Variants in IL1RAPL2 observed in about 807,000 individuals in gnomAD.
IL1RAPL2 encodes the protein X-linked interleukin-1 receptor accessory protein-like 2.
IL1RAPL2 carries 3 observed loss-of-function variants against 44.1 expected under a neutral mutation model. That is an observed-to-expected ratio of 0.07 (90% CI 0.03 to 0.18). IL1RAPL2 has a LOEUF of 0.18. Among genes scored for constraint, IL1RAPL2 ranks in the 10% least tolerant of loss-of-function variants. The probability of loss-of-function intolerance (pLI) is 1.00; values close to 1 mark genes in which losing one functional copy is unlikely to be tolerated. For missense variants in IL1RAPL2, 391 were observed against 496.4 expected, an observed-to-expected ratio of 0.79 and a Z score of 2.02; for synonymous variants, 181 against 178.8, an observed-to-expected ratio of 1.01 and a Z score of -0.10.
chrX:105,263,684 G>A (rs1336382257), intron 4 of IL1RAPL2, among the ~76,000 whole-genome samples: 1 of 110,893 alleles, frequency 9.0e-6, no homozygotes, highest in Admixed American at 9.6e-5. Context: ...GGAGGGAGAG[G>A]AAAAAAGCTG....
At chrX:104,776,528 A>C (rs776131311) in intron 2 of IL1RAPL2, among the ~76,000 whole-genome samples, 2 of 111,753 alleles carry the variant, frequency 1.8e-5, no homozygotes, top group African/African-American at 6.5e-5. Context: ...CCTCACATGG[A>C]TGAACTCAGG....
At chrX:105,179,407 T>G (rs1469368896) in intron 2 of IL1RAPL2, among the ~76,000 whole-genome samples, 1 of 112,192 alleles carries the variant, frequency 8.9e-6, no homozygotes, top group Non-Finnish European at 1.9e-5. Flanking sequence ...GTAATATATT[T>G]TGAAATCACG....
At chrX:105,685,486 G>A (rs138358105) in intron 6 of IL1RAPL2, among the ~76,000 whole-genome samples, 1,535 of 111,662 alleles carry the variant, frequency 0.014, 13 homozygotes, top group Non-Finnish European at 0.019. Context: ...AATAAAATGA[G>A]AAGACAGGGT....
intron 2 of IL1RAPL2, among the ~76,000 whole-genome samples, chrX:105,191,793 G>A (rs141365747): frequency 0.011 from 1,211 of 112,089 alleles, 11 homozygotes; most frequent in Middle Eastern, 0.023. Flanking sequence ...CAGTGGGTTC[G>A]TTCCGTAGCA....
intron 6 of IL1RAPL2, among the ~76,000 whole-genome samples, chrX:105,624,893 ATACT>A (rs1216528300): frequency 8.9e-6 from 1 of 112,290 alleles, no homozygotes; most frequent in African/African-American, 3.2e-5. Flanking sequence ...TTAAATTAAG[ATACT>A]TAATATGTGG....
intron 5 of IL1RAPL2, among the ~76,000 whole-genome samples, chrX:105,440,468 A>G (rs746298815): frequency 5.4e-5 from 6 of 111,970 alleles, no homozygotes; most frequent in Non-Finnish European, 1.1e-4. Context: ...CATTTAAAGT[A>G]ATGTTGCTCA....
intron 2 of IL1RAPL2, among the ~76,000 whole-genome samples, chrX:104,962,483 A>G (rs1392238011): frequency 8.9e-6 from 1 of 111,957 alleles, no homozygotes; most frequent in Non-Finnish European, 1.9e-5. Flanking sequence ...TAAATCATCC[A>G]CTATTACTAA....
At chrX:104,999,386 G>A (rs1215051438) in intron 2 of IL1RAPL2, among the ~76,000 whole-genome samples, 2 of 111,202 alleles carry the variant, frequency 1.8e-5, no homozygotes, top group Non-Finnish European at 3.8e-5. Flanking sequence ...TTTTTTAAAA[G>A]TGCAGAAGTA....
At chrX:104,848,870 A>C (rs947302939) in intron 2 of IL1RAPL2, among the ~76,000 whole-genome samples, 1 of 111,015 alleles carries the variant, frequency 9.0e-6, no homozygotes, top group African/African-American at 3.3e-5. Flanking sequence ...TATGGTTAGT[A>C]ATTTATGTTT....
chrX:104,943,043 C>A (rs983733746), intron 2 of IL1RAPL2, among the ~76,000 whole-genome samples: 5 of 111,471 alleles, frequency 4.5e-5, no homozygotes, highest in Non-Finnish European at 7.5e-5. Context: ...AGGGATGAAG[C>A]CAACTTGTTC....
intron 1 of IL1RAPL2, among the ~76,000 whole-genome samples, chrX:104,569,206 C>G (rs982984681): frequency 8.9e-6 from 1 of 111,782 alleles, no homozygotes; most frequent in Non-Finnish European, 1.9e-5. Flanking sequence ...GTGGAATAGC[C>G]TCTGCTTCCC....
chrX:105,210,079 C>G (rs781789230), intron 3 of IL1RAPL2, among the ~76,000 whole-genome samples: 2 of 110,312 alleles, frequency 1.8e-5, no homozygotes, highest in Non-Finnish European at 3.8e-5. Context: ...GTCCCACCAC[C>G]ACCCTGACCT....
At chrX:105,681,619 G>A (rs935456088) in intron 6 of IL1RAPL2, among the ~76,000 whole-genome samples, 4 of 111,340 alleles carry the variant, frequency 3.6e-5, no homozygotes, top group Non-Finnish European at 7.5e-5. Context: ...TTAGTTGGGT[G>A]TGGTGGCAGG....
At chrX:105,606,767 A>AAAT (rs1348781494) in intron 6 of IL1RAPL2, among the ~76,000 whole-genome samples, 2 of 111,666 alleles carry the variant, frequency 1.8e-5, no homozygotes, top group African/African-American at 6.5e-5. Context: ...AACTGGAGAT[A>AAAT]AATATGTCAA....
chrX:105,077,055 T>TATTGTTATG (rs2032317831), intron 2 of IL1RAPL2, among the ~76,000 whole-genome samples: 1 of 111,127 alleles, frequency 9.0e-6, no homozygotes. Context: ...TTAAGGTTAA[T>TATTGTTATG]ATTGTTATGT....
intron 5 of IL1RAPL2, among the ~76,000 whole-genome samples, chrX:105,292,594 A>T (rs1189934537): frequency 8.9e-6 from 1 of 111,898 alleles, no homozygotes; most frequent in Non-Finnish European, 1.9e-5. Context: ...CATTAAACAG[A>T]TTTTCAAAAA....
rs368223751 is a variant in IL1RAPL2 at position 104,730,830 on chromosome X, G to C, written c.82+71835G>C. Among the ~76,000 whole-genome samples, 46 of 110,504 alleles carry C rather than the reference G, an allele frequency of 4.2e-4. No individual in the cohort carries two copies. The East Asian group carries it at 6.7e-3, about 16-fold the overall frequency. ...TCCACAATGGTTGAACTAGTTTACA[G>C]TCCCACCAACAGTGTAAAAGTGTTC... On this transcript the variant is annotated intron_variant, in intron 2 of 10. Transcript: ENST00000372582.
intron 2 of IL1RAPL2, among the ~76,000 whole-genome samples, chrX:104,797,199 C>CG (rs1555993451): frequency 1.1e-4 from 5 of 45,405 alleles, no homozygotes; most frequent in Non-Finnish European, 1.6e-4. Context: ...CCCCCCCCCC[C>CG]CCGCAAAGTA....
At position 105,755,273 on chromosome X, in the gene IL1RAPL2, T is replaced by C; in HGVS notation, c.1289T>C (p.Val430Ala). The change falls in exon 10 of 11, where the codon GTA (valine) becomes GCA (alanine). Residue 430 changes from valine (V) to alanine (A), a missense_variant. Val to Ala is a moderately conservative substitution (Grantham distance 64). This residue lies in a region of IL1RAPL2 where 232 missense variants were observed against 244.8 expected (regional missense o/e 0.95). Transcript: ENST00000372582. ...GAAGAAGAGCAGTTTGCTCTTGAAG[T>C]ACTGCCAGATGTCCTGGAAAAACAC... ...NPEEEQFALE[V>A]LPDVLEKHYG... is the part of the protein sequence containing the mutation. 8.3e-7 allele frequency: 1 copy of C among 1,198,334 alleles called. No homozygotes were observed. The highest frequency in any genetic ancestry group is 1.1e-6 in the Non-Finnish European group (1 of 883,341).
Sources: gnomAD v4.1 joint callset for allele counts (sites outside exome capture counted in the v4.1 genomes callset) on GRCh38, gnomAD v4.1.1 for gene constraint, gnomAD v4.1.1 regional missense constraint, MANE v1.5 for transcripts, NCBI Gene and HGNC (gene_info 2026-07-23, HGNC 2026-07-21) for gene names.